SLC22A2: variants seen among roughly 807,000 people sequenced by gnomAD.
SLC22A2 encodes the protein organic cation transporter 2.
In SLC22A2, 46 loss-of-function variants were observed where a neutral mutation model predicts 60.5. That is an observed-to-expected ratio of 0.76 (90% confidence interval 0.60 to 0.97). The LOEUF is 0.97. Among genes scored for constraint, SLC22A2 ranks in the 50% least tolerant of loss-of-function variants. SLC22A2 has a pLI of 0.00. For synonymous variants in SLC22A2, 303 were observed against 267.0 expected, an observed-to-expected ratio of 1.13 and a Z score of -1.31; for missense variants, 701 against 706.6, an observed-to-expected ratio of 0.99 and a Z score of 0.09.
chr6:160,245,639 C>T (rs925729958), intron 5 of SLC22A2, 94 bp from the exon 6 acceptor site: 42 of 611,436 alleles, frequency 6.9e-5, no homozygotes, highest in South Asian at 1.1e-4. Context: ...CCGTCCTGAG[C>T]GCCCATCTCA....
intron 9 of SLC22A2, among the ~76,000 whole-genome samples, chr6:160,226,115 C>T (rs901900898): frequency 1.1e-4 from 17 of 152,150 alleles, no homozygotes; most frequent in African/African-American, 4.1e-4. Context: ...ATTTTGCAGA[C>T]CCTGCACTCA....
intron 10 of SLC22A2, among the ~76,000 whole-genome samples, chr6:160,218,451 T>C (rs1194299208): frequency 2.3e-5 from 1 of 42,738 alleles, no homozygotes; most frequent in Admixed American, 3.2e-4. Flanking sequence ...ATAGCAACAG[T>C]AGAAGCATCA....
intron 2 of SLC22A2, among the ~76,000 whole-genome samples, chr6:160,254,457 C>G (rs376785963): frequency 2.0e-5 from 3 of 151,776 alleles, no homozygotes; most frequent in African/African-American, 7.3e-5. Flanking sequence ...TTTCATAATG[C>G]CTTACTGTTT....
At chr6:160,258,224 A>T in intron 1 of SLC22A2, 120 bp downstream of exon 1, 2 of 1,143,488 alleles carry the variant, frequency 1.7e-6, no homozygotes, top group Non-Finnish European at 2.5e-6. Context: ...TTTGTAAGAT[A>T]CATGCAGGCC....
At chr6:160,238,293 T>C (rs2031052016) in intron 9 of SLC22A2, among the ~76,000 whole-genome samples, 1 of 152,192 alleles carries the variant, frequency 6.6e-6, no homozygotes, top group Admixed American at 6.6e-5. Context: ...ACATGGTATA[T>C]ACAGTGGAAG....
intron 9 of SLC22A2, among the ~76,000 whole-genome samples, chr6:160,234,569 T>C (rs1053408804): frequency 3.3e-5 from 5 of 152,212 alleles, no homozygotes; most frequent in African/African-American, 1.2e-4. Context: ...AGGGTAACTG[T>C]CTGCTCTTTC....
At chr6:160,229,570 C>T (rs1782784008) in intron 9 of SLC22A2, among the ~76,000 whole-genome samples, 1 of 151,780 alleles carries the variant, frequency 6.6e-6, no homozygotes, top group Non-Finnish European at 1.5e-5. Context: ...CCCCTTCTCT[C>T]CATGTACCCA....
At chr6:160,225,777 T>C (rs1782712482) in intron 9 of SLC22A2, among the ~76,000 whole-genome samples, 1 of 152,220 alleles carries the variant, frequency 6.6e-6, no homozygotes, top group South Asian at 2.1e-4. Context: ...TATAGCCTAC[T>C]CTTGTGCCAA....
At chr6:160,224,857 ATAAT>A in intron 9 of SLC22A2, 53 bp from the exon 10 acceptor site, 2 of 1,038,924 alleles carry the variant, frequency 1.9e-6, no homozygotes, top group African/African-American at 1.6e-5. Context: ...CTCAAGGTCT[ATAAT>A]TAGAGTTTCC....
Position 160,239,391 on chromosome 6 carries a change from A to C in SLC22A2, c.1501+2083T>G, listed in dbSNP as rs143895527. 6.7e-3 allele frequency among the ~76,000 whole-genome samples: 1,026 copies of C among 152,294 alleles called. 10 individuals carry two copies. The highest frequency in any genetic ancestry group is 0.024 in the African/African-American group (995 of 41,558). On this transcript the variant is annotated intron_variant, in intron 9 of 10. Transcript: ENST00000366953. Reference sequence around the variant, plus strand: ...CTGCTGTTCTGCCTATGGAGTAGCCATTCTTTATTCCTTTACTTTCTTAAT... The same window carrying C: ...CTGCTGTTCTGCCTATGGAGTAGCCCTTCTTTATTCCTTTACTTTCTTAAT...
chr6:160,244,045 C>T (rs960189693), intron 6 of SLC22A2: 3 of 407,144 alleles, frequency 7.4e-6, no homozygotes, highest in African/African-American at 5.9e-5. Flanking sequence ...GTTTCCTGGA[C>T]AAATTGAAAG....
chr6:160,256,171 G>A (rs961342861), intron 2 of SLC22A2, among the ~76,000 whole-genome samples: 2 of 151,972 alleles, frequency 1.3e-5, no homozygotes, highest in African/African-American at 4.8e-5. Flanking sequence ...CGGGTATTAG[G>A]GAGATTCTAC....
intron 9 of SLC22A2, 52 bp from the exon 10 acceptor site, chr6:160,224,856 T>C: frequency 9.3e-7 from 1 of 1,071,736 alleles, no homozygotes; most frequent in Non-Finnish European, 1.3e-6. Flanking sequence ...ACTCAAGGTC[T>C]ATAATTAGAG....
At chr6:160,227,621 A>C (rs1782744287) in intron 9 of SLC22A2, among the ~76,000 whole-genome samples, 1 of 152,180 alleles carries the variant, frequency 6.6e-6, no homozygotes, top group Non-Finnish European at 1.5e-5. Flanking sequence ...CTCAGAATAA[A>C]CTCTTTAAAT....
At chr6:160,218,763 C>A (rs1365459849) in intron 10 of SLC22A2, among the ~76,000 whole-genome samples, 2 of 31,526 alleles carry the variant, frequency 6.3e-5, no homozygotes, top group Non-Finnish European at 1.2e-4. Flanking sequence ...ACAAAACCAA[C>A]AATAGCAACA....
At position 160,231,325 on chromosome 6, in the gene SLC22A2, G is replaced by C. The variant is rs767272382; in HGVS notation, c.1502-6521C>G. 2.6e-5 allele frequency among the ~76,000 whole-genome samples: 4 copies of C among 151,434 alleles called. No homozygotes were observed. In the East Asian group the frequency reaches 7.7e-4, roughly 29 times the overall value. ...TGGACTACAGCCACATCTCATTGCC[G>C]TCCTTCTTCCCAACCCAAAGCCTCC... On this transcript the variant is annotated intron_variant, in intron 9 of 10. Transcript: ENST00000366953.
At chr6:160,256,771 GT>G in intron 1 of SLC22A2, 54 bp from the exon 2 acceptor site, 1 of 1,203,872 alleles carries the variant, frequency 8.3e-7, no homozygotes, top group South Asian at 1.2e-5. Flanking sequence ...ATGAAATCCT[GT>G]TAGAATCCTG....
At chr6:160,234,332 C>T (rs1430368947) in intron 9 of SLC22A2, among the ~76,000 whole-genome samples, 1 of 152,186 alleles carries the variant, frequency 6.6e-6, no homozygotes, top group Non-Finnish European at 1.5e-5. Context: ...AAAGTTATTT[C>T]TTCCTAAGAG....
chr6:160,227,350 ACTTAACT>A (rs1304651272), intron 9 of SLC22A2, among the ~76,000 whole-genome samples: 2 of 152,204 alleles, frequency 1.3e-5, no homozygotes, highest in South Asian at 2.1e-4. Flanking sequence ...TCAGATAATA[ACTTAACT>A]CTTTCAAGCA....
Sources: gnomAD v4.1 joint callset for allele counts (sites outside exome capture counted in the v4.1 genomes callset) on GRCh38, gnomAD v4.1.1 for gene constraint, MANE v1.5 for transcripts, NCBI Gene and HGNC (gene_info 2026-07-23, HGNC 2026-07-21) for gene names.